The following ADAM17 variants were observed in gnomAD, a reference collection of about 807,000 sequenced individuals.
ADAM17 encodes the protein disintegrin and metalloproteinase domain-containing protein 17.
A neutral mutation model predicts 96.7 loss-of-function variants in ADAM17; 39 were observed. The observed-to-expected ratio is 0.40, with a 90% CI of 0.31 to 0.53. The LOEUF is 0.53. Among genes scored for constraint, ADAM17 ranks in the 20% least tolerant of loss-of-function variants. The pLI is 0.44. For missense variants in ADAM17, 777 were observed against 1,013.2 expected, an observed-to-expected ratio of 0.77 and a Z score of 3.17; for synonymous variants, 344 against 359.2, an observed-to-expected ratio of 0.96 and a Z score of 0.48.
chr2:9,515,794 T>C (rs923387055), intron 10 of ADAM17, among the ~76,000 whole-genome samples: 2 of 151,666 alleles, frequency 1.3e-5, no homozygotes, highest in African/African-American at 4.8e-5. Context: ...CCTTCCAAAG[T>C]GGCTGTTCCA....
In ADAM17 at chr2:9,555,684, G is replaced by T; in HGVS notation, c.-79C>A. 8.1e-7 allele frequency: 1 copy of T among 1,232,124 alleles called. No homozygotes were observed. The highest frequency in any genetic ancestry group is 1.1e-6 in the Non-Finnish European group (1 of 899,208). 76.3% of individuals were successfully genotyped at this position (1,232,124 alleles called of 1,614,324 possible). On this transcript the variant is annotated 5_prime_UTR_variant, in exon 1 of 19. Transcript: ENST00000310823. Reference sequence around the variant, plus strand: ...GTTTCGGAAAACTGCTCACATCGGGGGAGGACGGGATCCGCCCGGCCTAGC... The same window carrying T: ...GTTTCGGAAAACTGCTCACATCGGGTGAGGACGGGATCCGCCCGGCCTAGC...
At chr2:9,513,316 C>A (rs1319080782) in intron 10 of ADAM17, among the ~76,000 whole-genome samples, 1 of 152,156 alleles carries the variant, frequency 6.6e-6, no homozygotes, top group Non-Finnish European at 1.5e-5. Context: ...TTAAAATATC[C>A]TATGTAATAA....
In ADAM17 at chr2:9,529,969, T is replaced by TACAC. The variant is rs35137204; in HGVS notation, c.451-2019_451-2016dup. On this transcript the variant is annotated intron_variant, in intron 4 of 18. Coordinates refer to ENST00000310823, the MANE Select transcript of ADAM17 (RefSeq NM_003183.6). ...ACAGAGTGAGACTCCATCTCAAAAA[T>TACAC]ACACACACACACACACACACACAAA... 8.7e-3 allele frequency among the ~76,000 whole-genome samples: 1,300 copies of TACAC among 149,556 alleles called. 20 individuals are homozygous for TACAC. Among genetic ancestry groups the TACAC allele is most frequent in the African/African-American group, 0.028 (1,143 of 40,856 alleles).
chr2:9,546,315 A>G (rs1489244387), intron 1 of ADAM17, among the ~76,000 whole-genome samples: 1 of 152,208 alleles, frequency 6.6e-6, no homozygotes, highest in Non-Finnish European at 1.5e-5. Flanking sequence ...ATACTTAACT[A>G]ATGCATTTCA....
In ADAM17 at chr2:9,493,772, A is replaced by G; in HGVS notation, c.1968T>C (p.Ile656=). The G allele has an allele frequency of 6.2e-7, 1 of 1,614,100 alleles. No individual in the cohort carries two copies. ...QDVIERFWDF[I]DQLSINTFGK... ...CAAAAGTATTGATGCTCAGCTGGTC[A>G]ATGAAATCCCAAAATCGTTCAATTA... Residue 656 remains isoleucine, a synonymous_variant, in exon 16 of 19, where the codon ATT becomes ATC. Coordinates refer to ENST00000310823, the MANE Select transcript of ADAM17 (RefSeq NM_003183.6).
chr2:9,538,674 C>T (rs1161381342), intron 2 of ADAM17, among the ~76,000 whole-genome samples: 1 of 152,184 alleles, frequency 6.6e-6, no homozygotes, highest in African/African-American at 2.4e-5. Flanking sequence ...AGAATCTTTT[C>T]TAAAGATAAA....
At chr2:9,501,521 G>A (rs1262937744) in intron 13 of ADAM17, among the ~76,000 whole-genome samples, 1 of 152,198 alleles carries the variant, frequency 6.6e-6, no homozygotes, top group Non-Finnish European at 1.5e-5. Flanking sequence ...GGCAATGGAA[G>A]TAGCTACCAC....
chr2:9,512,890 T>C lies in ADAM17; in HGVS notation c.1192-2759A>G, dbSNP rs1663818268. On this transcript the variant is annotated intron_variant, in intron 10 of 18. Coordinates refer to ENST00000310823, the MANE Select transcript of ADAM17 (RefSeq NM_003183.6). ...CAGGAAGGTGCAAAACTCATTCGTGTGCCAGGAGGGAGGTACATCCCAACT... is the reference window on the plus strand; with the variant it reads ...CAGGAAGGTGCAAAACTCATTCGTGCGCCAGGAGGGAGGTACATCCCAACT... Among the ~76,000 whole-genome samples the C allele has an allele frequency of 1.3e-5, 2 of 152,210 alleles. 1 individual carries two copies. Among genetic ancestry groups the C allele is most frequent in the South Asian group, 4.1e-4 (2 of 4,830 alleles).
At chr2:9,531,747 G>A (rs772076818) in intron 4 of ADAM17, among the ~76,000 whole-genome samples, 1 of 151,998 alleles carries the variant, frequency 6.6e-6, no homozygotes, top group Non-Finnish European at 1.5e-5. Flanking sequence ...CACTATGCAA[G>A]TTTAACCCAG....
At chr2:9,515,343 A>AT (rs1664002320) in intron 10 of ADAM17, among the ~76,000 whole-genome samples, 1 of 151,816 alleles carries the variant, frequency 6.6e-6, no homozygotes, top group Non-Finnish European at 1.5e-5. Flanking sequence ...ATAGCTTTTT[A>AT]TTTTTTTCTC....
At position 9,492,906 on chromosome 2, in the gene ADAM17, G is replaced by A. The variant is rs1662277591; in HGVS notation, c.2074C>T (p.His692Tyr). 6.2e-7 allele frequency: 1 copy of A among 1,610,490 alleles called. No homozygotes were observed. Among genetic ancestry groups the A allele is most frequent in the Non-Finnish European group, 8.5e-7 (1 of 1,177,958 alleles). Residue 692 changes from histidine (H) to tyrosine (Y), a missense_variant, in exon 17 of 19, where the codon CAT becomes TAT. Physicochemically the swap from His to Tyr is moderately conservative, Grantham distance 83 (BLOSUM62 2). Around this residue, in one of 3 missense-constraint regions of ADAM17, gnomAD observed 197 missense variants for 219.4 expected, o/e 0.90. Coordinates refer to ENST00000310823, the MANE Select transcript of ADAM17 (RefSeq NM_003183.6). ...AAAAGTTGATGACTTACCACACAATGGACAAGAATGCTGAAAGGAATCCAA... is the reference window on the plus strand; with the variant it reads ...AAAAGTTGATGACTTACCACACAATAGACAAGAATGCTGAAAGGAATCCAA... Reference protein sequence around the residue: ...IFWIPFSILVHCVDKKLDKQY... With the variant: ...IFWIPFSILVYCVDKKLDKQY...
At chr2:9,553,238 T>G (rs1442367295) in intron 1 of ADAM17, among the ~76,000 whole-genome samples, 1 of 152,208 alleles carries the variant, frequency 6.6e-6, no homozygotes, top group African/African-American at 2.4e-5. Flanking sequence ...ACTCTAGCAC[T>G]CTCCTCTATG....
chr2:9,510,325 C>G (rs1425858864), intron 10 of ADAM17, among the ~76,000 whole-genome samples, 194 bp from the exon 11 acceptor site: 1 of 152,074 alleles, frequency 6.6e-6, no homozygotes, highest in Non-Finnish European at 1.5e-5. Flanking sequence ...TTGAGGCCAG[C>G]CTGGGTAACA....
Position 9,523,357 on chromosome 2 carries a change from GAA to G in ADAM17, c.754-21_754-20del, listed in dbSNP as rs1558514870. 37 of 1,563,314 alleles carry G rather than the reference GAA, an allele frequency of 2.4e-5. No homozygotes were observed. The highest frequency in any genetic ancestry group is 4.1e-5 in the African/African-American group (3 of 73,422). On this transcript the variant is annotated intron_variant, in intron 6 of 18. Coordinates refer to ENST00000310823, the MANE Select transcript of ADAM17 (RefSeq NM_003183.6). ...GCTCTATCTGTGTGTATTTAAAAAA[GAA>G]AAAAGACATTATGTAACTCTTTACC...
intron 11 of ADAM17, among the ~76,000 whole-genome samples, chr2:9,506,229 T>G (rs1663378004): frequency 1.3e-5 from 2 of 152,046 alleles, no homozygotes; most frequent in African/African-American, 4.8e-5. Flanking sequence ...GAGAGCCAAG[T>G]GTATGAGACC....
At chr2:9,505,953 A>G (rs1663360999) in intron 11 of ADAM17, among the ~76,000 whole-genome samples, 1 of 152,172 alleles carries the variant, frequency 6.6e-6, no homozygotes, top group South Asian at 2.1e-4. Context: ...ATTTTCATCA[A>G]CCAGCAAGAC....
chr2:9,522,556 A>T (rs1430005380), intron 7 of ADAM17: 7 of 473,018 alleles, frequency 1.5e-5, no homozygotes, highest in Admixed American at 6.7e-5. Flanking sequence ...ATTTTTAAAA[A>T]TTTTTTCAAC....
intron 11 of ADAM17, chr2:9,505,679 G>A (rs1415814999): frequency 8.9e-6 from 3 of 335,330 alleles, no homozygotes; most frequent in Non-Finnish European, 1.7e-5. Context: ...AAGCAGAATA[G>A]CACAACAGAG....
intron 2 of ADAM17, among the ~76,000 whole-genome samples, chr2:9,540,348 A>T (rs1030649745): frequency 3.3e-5 from 5 of 152,116 alleles, no homozygotes; most frequent in Non-Finnish European, 7.4e-5. Context: ...TTACTAGCTG[A>T]GTAATCTTGG....
Sources: gnomAD v4.1 joint callset for allele counts (sites outside exome capture counted in the v4.1 genomes callset) on GRCh38, gnomAD v4.1.1 for gene constraint, gnomAD v4.1.1 regional missense constraint, MANE v1.5 for transcripts, NCBI Gene and HGNC (gene_info 2026-07-23, HGNC 2026-07-21) for gene names.